The following MGST1 variants were observed in gnomAD, a reference collection of about 807,000 sequenced individuals.
The protein encoded by MGST1 is microsomal glutathione S-transferase 1.
MGST1 carries 5 observed loss-of-function variants against 8.9 expected under a neutral mutation model. That is an observed-to-expected ratio of 0.56 (90% CI 0.29 to 1.19). The LOEUF (loss-of-function observed/expected upper bound fraction) is 1.19. Ranked by LOEUF, MGST1 falls within the 50% of genes most tolerant of loss-of-function variation. MGST1 has a pLI of 0.08. For missense variants in MGST1, 182 were observed against 187.4 expected (o/e 0.97, Z 0.17); for synonymous variants, 54 against 67.8 (o/e 0.80, Z 1.00).
intron 4 of MGST1, chr12:16,573,859 A>C (rs1025282723): frequency 4.6e-5 from 7 of 152,158 alleles, no homozygotes; most frequent in African/African-American, 1.7e-4. Flanking sequence ...TGACGTCGCC[A>C]AATCACCGTC....
chr12:16,431,684 T>C (rs546487780), intron 1 of MGST1, among the ~76,000 whole-genome samples: 5 of 152,106 alleles, frequency 3.3e-5, no homozygotes, highest in Non-Finnish European at 5.9e-5. Context: ...GCAGATATAA[T>C]AATAATAAAA....
chr12:16,388,468 C>A (rs1026548177), intron 1 of MGST1, among the ~76,000 whole-genome samples: 4 of 152,110 alleles, frequency 2.6e-5, no homozygotes, highest in African/African-American at 9.7e-5. Flanking sequence ...GAAGGTGGCT[C>A]ACACTAGCTG....
intron 4 of MGST1, among the ~76,000 whole-genome samples, chr12:16,557,986 A>C (rs189427482): frequency 2.0e-5 from 3 of 152,226 alleles, no homozygotes; most frequent in Admixed American, 2.0e-4. Flanking sequence ...ACTTTTGAAG[A>C]TACAACTTAT....
At chr12:16,568,725 C>T (rs1296186642) in intron 4 of MGST1, among the ~76,000 whole-genome samples, 1 of 152,140 alleles carries the variant, frequency 6.6e-6, no homozygotes, top group African/African-American at 2.4e-5. Flanking sequence ...TCCTTGGCTA[C>T]TTTGGCTACT....
chr12:16,391,162 C>G (rs563976639), intron 1 of MGST1, among the ~76,000 whole-genome samples: 1 of 133,908 alleles, frequency 7.5e-6, no homozygotes, highest in African/African-American at 2.8e-5. Flanking sequence ...TTCAATTTTA[C>G]TTCAAGTTCT....
rs150277900 is a variant in MGST1 at position 16,406,922 on chromosome 12, T to C, written n.778+23318T>C. ...CATCGACTCAAGATGGATTAAAGAC[T>C]TAAAAGTAAAACTGAAAACTAAGTT... On this transcript the variant is annotated intron_variant and non_coding_transcript_variant, in intron 1 of 1. Coordinates refer to the MGST1 transcript ENST00000359720. Among the ~76,000 whole-genome samples the C allele has an allele frequency of 5.5e-3, 834 of 152,252 alleles. 5 individuals carry two copies. Among genetic ancestry groups the C allele is most frequent in the Non-Finnish European group, 9.3e-3 (632 of 68,002 alleles).
At chr12:16,351,931 T>C (rs1212695868) in intron 1 of MGST1, among the ~76,000 whole-genome samples, 3 of 152,164 alleles carry the variant, frequency 2.0e-5, no homozygotes, top group Non-Finnish European at 4.4e-5. Context: ...AGATGACAGA[T>C]ATAAGGGGTG....
At chr12:16,438,854 C>T (rs559793141), downstream of MGST1, 10 of 151,956 alleles carry the variant, frequency 6.6e-5, no homozygotes, top group African/African-American at 2.2e-4. Flanking sequence ...AGCAACATCA[C>T]TTTGATCTCT....
rs1940643154 is a variant in MGST1, at chr12:16,400,288, C to A, written n.778+16684C>A. On this transcript the variant is annotated intron_variant and non_coding_transcript_variant, in intron 1 of 1. Coordinates refer to the MGST1 transcript ENST00000359720. ...AAAATGCAAGACAATAATCATTACTCCATCACAGAGCTGGAATGAAGCATG... is the reference window on the plus strand; with the variant it reads ...AAAATGCAAGACAATAATCATTACTACATCACAGAGCTGGAATGAAGCATG... 3.8e-6 allele frequency: 3 copies of A among 797,474 alleles called. No homozygotes were observed. In the Admixed American group the frequency reaches 5.3e-5, roughly 14 times the overall value. 49.4% of individuals were successfully genotyped at this position (797,474 alleles called of 1,614,324 possible). A position where few individuals can be genotyped will look rare whatever the true frequency, so the allele number is the denominator to read the frequency against.
chr12:16,431,438 G>T (rs1269126781), intron 1 of MGST1, among the ~76,000 whole-genome samples: 1 of 151,952 alleles, frequency 6.6e-6, no homozygotes, highest in Admixed American at 6.6e-5. Flanking sequence ...TTGACTTAAA[G>T]TGCGAGATGT....
intron 4 of MGST1, among the ~76,000 whole-genome samples, chr12:16,528,168 A>G (rs1436725394): frequency 1.3e-5 from 2 of 152,038 alleles, no homozygotes; most frequent in East Asian, 1.9e-4. Context: ...TGTTTTCGCC[A>G]GGCAAAACAA....
intron 1 of MGST1, among the ~76,000 whole-genome samples, chr12:16,388,670 C>T (rs1322088793): frequency 6.6e-6 from 1 of 152,208 alleles, no homozygotes; most frequent in Non-Finnish European, 1.5e-5. Context: ...AATGCTTACT[C>T]TCAATTTCTG....
At chr12:16,377,857 A>G (rs1254210088), downstream of MGST1, among the ~76,000 whole-genome samples, 1 of 150,712 alleles carries the variant, frequency 6.6e-6, no homozygotes, top group Admixed American at 6.6e-5. Context: ...GTGAGATGGT[A>G]TCTCATTGTG....
intron 1 of MGST1, chr12:16,402,455 A>G: frequency 6.3e-7 from 1 of 1,592,706 alleles, no homozygotes; most frequent in Admixed American, 1.7e-5. Context: ...GGTTCTGAGA[A>G]TCACGCGATG....
intron 4 of MGST1, chr12:16,549,701 C>A (rs762025781): frequency 3.3e-5 from 5 of 152,028 alleles, no homozygotes; most frequent in Admixed American, 3.3e-4. Context: ...TTAACGGTGC[C>A]GTGCAAAATT....
intron 1 of MGST1, among the ~76,000 whole-genome samples, chr12:16,411,356 G>A (rs1449416032): frequency 6.6e-6 from 1 of 152,062 alleles, no homozygotes; most frequent in African/African-American, 2.4e-5. Context: ...TATCTTGTAC[G>A]TTATATGGTG....
intron 1 of MGST1, among the ~76,000 whole-genome samples, chr12:16,353,221 G>A (rs1939552761): frequency 6.6e-6 from 1 of 152,122 alleles, no homozygotes; most frequent in East Asian, 1.9e-4. Context: ...TTTTAGTAGA[G>A]ACGGGGTTTC....
chr12:16,395,225 A>G (rs930852622), intron 1 of MGST1, among the ~76,000 whole-genome samples: 1 of 152,054 alleles, frequency 6.6e-6, no homozygotes, highest in Admixed American at 6.6e-5. Context: ...GTAGGGATCC[A>G]ATTTTCTCAT....
chr12:16,446,537 A>T (rs948282824), intron 4 of MGST1, among the ~76,000 whole-genome samples: 4 of 151,884 alleles, frequency 2.6e-5, no homozygotes, highest in African/African-American at 9.7e-5. Context: ...GTATTCTATT[A>T]ACCATCTCCA....
Sources: gnomAD v4.1 joint callset for allele counts (sites outside exome capture counted in the v4.1 genomes callset) on GRCh38, gnomAD v4.1.1 for gene constraint, MANE v1.5 for transcripts, NCBI Gene and HGNC (gene_info 2026-07-23, HGNC 2026-07-21) for gene names.